The following SUMF1 variants were observed in gnomAD, a reference collection of about 807,000 sequenced individuals.
SUMF1 encodes the protein formylglycine-generating enzyme.
Under a neutral mutation model 47.6 loss-of-function variants are expected in SUMF1, and 48 were observed. That is an observed-to-expected ratio of 1.01 (90% CI 0.80 to 1.28). The LOEUF (loss-of-function observed/expected upper bound fraction) is 1.28, where lower values mean the gene tolerates loss of function less well. SUMF1 is among the 50% of genes most tolerant of loss of function. The pLI is 0.00. For missense variants in SUMF1, 571 were observed against 485.4 expected, an observed-to-expected ratio of 1.18 and a Z score of -1.66; for synonymous variants, 230 against 192.1, an observed-to-expected ratio of 1.20 and a Z score of -1.63.
intron 8 of SUMF1, among the ~76,000 whole-genome samples, chr3:4,250,940 C>G (rs1448653656): frequency 6.6e-6 from 1 of 152,132 alleles, no homozygotes; most frequent in Non-Finnish European, 1.5e-5. Context: ...TTCACACCTC[C>G]TAACGATATT....
At position 4,236,568 on chromosome 3, in the gene SUMF1, A is replaced by C. The variant is rs1696414170; in HGVS notation, c.1014+139762T>G. On this transcript the variant is annotated intron_variant and NMD_transcript_variant, in intron 8 of 12. Transcript: ENST00000448413. ...CAGAAGTTCAAGTTCAGCATGGGCA[A>C]CATAGTGAGACCCCCCATCTCTAAA... Among the ~76,000 whole-genome samples the C allele has an allele frequency of 3.4e-5, 4 of 116,684 alleles. No individual in the cohort carries two copies. The South Asian group carries it at 1.2e-3, about 35-fold the overall frequency. 76.5% of individuals were successfully genotyped at this position (116,684 alleles called of 152,430 possible). A position where few individuals can be genotyped will look rare whatever the true frequency, so the allele number is the denominator to read the frequency against.
intron 8 of SUMF1, among the ~76,000 whole-genome samples, chr3:4,338,580 T>A (rs1485901176): frequency 6.6e-6 from 1 of 152,224 alleles, no homozygotes; most frequent in Non-Finnish European, 1.5e-5. Flanking sequence ...ACCAATGTTT[T>A]CGAGCATCTA....
At chr3:4,221,857 TATA>T (rs1186174894) in intron 8 of SUMF1, among the ~76,000 whole-genome samples, 1 of 152,136 alleles carries the variant, frequency 6.6e-6, no homozygotes, top group Non-Finnish European at 1.5e-5. Flanking sequence ...TTGGGATGTA[TATA>T]TACTCAAATG....
At chr3:4,279,091 C>A (rs1697478419) in intron 8 of SUMF1, among the ~76,000 whole-genome samples, 1 of 152,098 alleles carries the variant, frequency 6.6e-6, no homozygotes, top group South Asian at 2.1e-4. Context: ...AAACTTGACA[C>A]TTTTGCCACA....
chr3:4,053,687 G>T (rs1230060505), intron 9 of SUMF1, among the ~76,000 whole-genome samples: 2 of 152,104 alleles, frequency 1.3e-5, no homozygotes, highest in Non-Finnish European at 2.9e-5. Flanking sequence ...GGAGAATAGG[G>T]TCATAAGGTT....
chr3:4,314,292 A>C (rs1479806564), intron 8 of SUMF1: 1 of 154,512 alleles, frequency 6.5e-6, no homozygotes, highest in African/African-American at 2.4e-5. Flanking sequence ...GTTTTCTAGC[A>C]CTAACATCGA....
chr3:4,095,601 A>G (rs993584613), intron 8 of SUMF1, among the ~76,000 whole-genome samples: 2 of 152,152 alleles, frequency 1.3e-5, no homozygotes, highest in African/African-American at 4.8e-5. Flanking sequence ...ATGAGATATG[A>G]CCAGCAGCAT....
At chr3:4,295,649 A>T (rs922806500) in intron 8 of SUMF1, among the ~76,000 whole-genome samples, 1 of 152,170 alleles carries the variant, frequency 6.6e-6, no homozygotes, top group South Asian at 2.1e-4. Flanking sequence ...AAATTTGTTC[A>T]TATGTTTTCC....
intron 8 of SUMF1, chr3:4,304,036 C>T (rs993876047): frequency 1.3e-5 from 3 of 236,898 alleles, no homozygotes; most frequent in Admixed American, 5.9e-5. Flanking sequence ...TGGAACAGTA[C>T]CTCTCTTCCG....
At chr3:4,389,331 TG>T (rs1342875535) in intron 7 of SUMF1, among the ~76,000 whole-genome samples, 24 of 138,994 alleles carry the variant, frequency 1.7e-4, no homozygotes, top group East Asian at 3.9e-4. Context: ...TCATTCAAAT[TG>T]TTTTTTTTTT....
At position 4,093,043 on chromosome 3, in the gene SUMF1, T is replaced by C. The variant is rs544498296; in HGVS notation, c.1015-24298A>G. ...GTGCTTAAAAGTAAGAGCTCTGCAA[T>C]TGGGTAGACTGGCTTCTGATCCTGG... On this transcript the variant is annotated intron_variant and NMD_transcript_variant, in intron 8 of 12. Coordinates refer to the SUMF1 transcript ENST00000448413. 3.9e-4 allele frequency among the ~76,000 whole-genome samples: 60 copies of C among 152,180 alleles called. 1 individual carries two copies. The highest frequency in any genetic ancestry group is 1.4e-3 in the African/African-American group (60 of 41,506).
chr3:4,128,274 G>C (rs1693704012), intron 8 of SUMF1, among the ~76,000 whole-genome samples: 1 of 152,182 alleles, frequency 6.6e-6, no homozygotes, highest in Non-Finnish European at 1.5e-5. Context: ...GGTGTCTACT[G>C]TTAAAGTGAG....
chr3:4,357,509 G>C (rs928586021), downstream of SUMF1, among the ~76,000 whole-genome samples: 1 of 151,502 alleles, frequency 6.6e-6, no homozygotes, highest in East Asian at 1.9e-4. Context: ...TATAGTCCCT[G>C]AAAAATAGAA....
intron 3 of SUMF1, among the ~76,000 whole-genome samples, chr3:4,446,186 C>T (rs1176332728): frequency 6.6e-6 from 1 of 152,168 alleles, no homozygotes; most frequent in Non-Finnish European, 1.5e-5. Context: ...CCATCCAAAT[C>T]TCATCTTGAA....
At chr3:4,418,620 C>T (rs1701794960) in intron 4 of SUMF1, among the ~76,000 whole-genome samples, 1 of 152,186 alleles carries the variant, frequency 6.6e-6, no homozygotes, top group Non-Finnish European at 1.5e-5. Flanking sequence ...CTTGGTTGGA[C>T]CTGCATTGTG....
intron 8 of SUMF1, among the ~76,000 whole-genome samples, chr3:4,292,635 G>C (rs1288804169): frequency 6.6e-6 from 1 of 152,212 alleles, no homozygotes; most frequent in Non-Finnish European, 1.5e-5. Context: ...AGCTAGAGCA[G>C]ATGGCTGGAT....
chr3:4,424,454 A>T (rs1702003071), intron 3 of SUMF1, among the ~76,000 whole-genome samples: 1 of 152,166 alleles, frequency 6.6e-6, no homozygotes, highest in African/African-American at 2.4e-5. Flanking sequence ...CTGTGGCCAA[A>T]GCATGAGAAA....
intron 7 of SUMF1, among the ~76,000 whole-genome samples, chr3:4,391,936 C>T (rs1700880578): frequency 6.6e-6 from 1 of 151,884 alleles, no homozygotes; most frequent in Non-Finnish European, 1.5e-5. Flanking sequence ...TCAGGTGATC[C>T]TGCCACCTCA....
chr3:4,169,170 T>G (rs1194556137), intron 8 of SUMF1, among the ~76,000 whole-genome samples: 1 of 152,090 alleles, frequency 6.6e-6, no homozygotes, highest in African/African-American at 2.4e-5. Context: ...AATTCACATG[T>G]GAAGATTCTA....
Sources: gnomAD v4.1 joint callset for allele counts (sites outside exome capture counted in the v4.1 genomes callset) on GRCh38, gnomAD v4.1.1 for gene constraint, MANE v1.5 for transcripts, NCBI Gene and HGNC (gene_info 2026-07-23, HGNC 2026-07-21) for gene names.